PTPRD: variants seen among roughly 807,000 people sequenced by gnomAD.
PTPRD encodes the protein protein tyrosine phosphatase receptor type D, also known as receptor-type tyrosine-protein phosphatase delta.
PTPRD carries 34 observed loss-of-function variants against 214.5 expected under a neutral mutation model. The ratio of observed to expected loss-of-function variants is 0.16; its 90% CI spans 0.12 to 0.21. The LOEUF (loss-of-function observed/expected upper bound fraction) is 0.21, where lower values mean the gene tolerates loss of function less well. Among genes scored for constraint, PTPRD ranks in the 10% least tolerant of loss-of-function variants. The pLI is 1.00. For synonymous variants in PTPRD, 1,128 were observed against 845.7 expected, an observed-to-expected ratio of 1.33 and a Z score of -5.79; for missense variants, 2,545 against 2,398.7, an observed-to-expected ratio of 1.06 and a Z score of -1.27.
intron 5 of PTPRD, among the ~76,000 whole-genome samples, chr9:9,854,260 G>C (rs532663062): frequency 6.6e-6 from 1 of 152,086 alleles, no homozygotes; most frequent in African/African-American, 2.4e-5. Flanking sequence ...ATACCTATAT[G>C]GCACAAGTTA....
At chr9:8,947,992 C>T (rs879298437) in intron 11 of PTPRD, among the ~76,000 whole-genome samples, 19 of 150,464 alleles carry the variant, frequency 1.3e-4, no homozygotes, top group Non-Finnish European at 2.1e-4. Flanking sequence ...ATGTCCAGAC[C>T]TTATACCCAG....
chr9:8,905,755 A>AG (rs1555503974), intron 11 of PTPRD, among the ~76,000 whole-genome samples: 12 of 150,922 alleles, frequency 8.0e-5, no homozygotes, highest in Non-Finnish European at 1.6e-4. Flanking sequence ...AAAAAAAAAA[A>AG]TGGAGAGAGA....
At chr9:9,404,908 C>T (rs1202679174) in intron 8 of PTPRD, among the ~76,000 whole-genome samples, 1 of 152,002 alleles carries the variant, frequency 6.6e-6, no homozygotes, top group Admixed American at 6.6e-5. Context: ...TTTCCAAGTC[C>T]CTACTTTATG....
At chr9:10,416,541 A>T (rs1339698152) in intron 2 of PTPRD, among the ~76,000 whole-genome samples, 2 of 151,934 alleles carry the variant, frequency 1.3e-5, no homozygotes, top group East Asian at 3.9e-4. Context: ...ATGTGTTACT[A>T]AAAAAGCGAT....
At chr9:10,024,325 G>A (rs1005490513) in intron 4 of PTPRD, among the ~76,000 whole-genome samples, 1 of 152,094 alleles carries the variant, frequency 6.6e-6, no homozygotes, top group African/African-American at 2.4e-5. Context: ...ATTTTCTCCT[G>A]AAAGGAATTT....
intron 5 of PTPRD, among the ~76,000 whole-genome samples, chr9:9,880,793 C>G (rs921766730): frequency 6.6e-6 from 1 of 152,126 alleles, no homozygotes; most frequent in Non-Finnish European, 1.5e-5. Flanking sequence ...TTCTATTGAT[C>G]TGTTAGCCTC....
At chr9:9,101,466 G>A (rs1260806965) in intron 10 of PTPRD, among the ~76,000 whole-genome samples, 3 of 152,174 alleles carry the variant, frequency 2.0e-5, no homozygotes, top group Non-Finnish European at 4.4e-5. Flanking sequence ...GGGATGGAAG[G>A]TGATTCTGAA....
At chr9:9,748,573 C>T (rs1564954298) in intron 6 of PTPRD, among the ~76,000 whole-genome samples, 1 of 152,208 alleles carries the variant, frequency 6.6e-6, no homozygotes, top group East Asian at 1.9e-4. Flanking sequence ...GTGTTTACCT[C>T]AATGAGGAGG....
At chr9:9,754,376 C>T (rs1334859761) in intron 6 of PTPRD, among the ~76,000 whole-genome samples, 1 of 152,036 alleles carries the variant, frequency 6.6e-6, no homozygotes, top group Non-Finnish European at 1.5e-5. Context: ...GAGAAAACTA[C>T]TGTTCAAGGA....
intron 12 of PTPRD, among the ~76,000 whole-genome samples, chr9:8,674,718 CT>C (rs1387276991): frequency 2.9e-4 from 44 of 152,262 alleles, no homozygotes; most frequent in African/African-American, 9.1e-4. Flanking sequence ...TTTGGCTCCC[CT>C]GGGCTAGATT....
At chr9:10,562,097 T>A (rs2131559959) in intron 2 of PTPRD, among the ~76,000 whole-genome samples, 1 of 152,250 alleles carries the variant, frequency 6.6e-6, no homozygotes, top group South Asian at 2.1e-4. Context: ...TTATCTCTTT[T>A]GTATTTACTG....
At chr9:8,371,417 C>A (rs1202695827) in intron 39 of PTPRD, among the ~76,000 whole-genome samples, 1 of 152,004 alleles carries the variant, frequency 6.6e-6, no homozygotes, top group Admixed American at 6.6e-5. Context: ...CTCATGCCTT[C>A]TGAGATCTCA....
chr9:8,567,348 C>T (rs947418315), intron 14 of PTPRD, among the ~76,000 whole-genome samples: 4 of 152,162 alleles, frequency 2.6e-5, no homozygotes, highest in African/African-American at 9.7e-5. Flanking sequence ...TCAGGAGTCA[C>T]TTTCTCCAAA....
chr9:9,808,159 GT>G (rs2046014659), intron 5 of PTPRD, among the ~76,000 whole-genome samples: 1 of 152,168 alleles, frequency 6.6e-6, no homozygotes, highest in Non-Finnish European at 1.5e-5. Context: ...GTGTGTAACT[GT>G]TGCATACTTC....
At chr9:9,478,644 T>C (rs1375710767) in intron 8 of PTPRD, among the ~76,000 whole-genome samples, 3 of 152,188 alleles carry the variant, frequency 2.0e-5, no homozygotes, top group Non-Finnish European at 4.4e-5. Flanking sequence ...GAGTTAGCCT[T>C]TTGTAAGTGT....
chr9:9,420,261 C>T (rs1336077544), intron 8 of PTPRD, among the ~76,000 whole-genome samples: 1 of 151,730 alleles, frequency 6.6e-6, no homozygotes, highest in African/African-American at 2.4e-5. Flanking sequence ...GAAGTGTAAA[C>T]TATTTTAGTT....
intron 3 of PTPRD, among the ~76,000 whole-genome samples, chr9:10,257,228 A>G (rs1398094612): frequency 1.3e-5 from 2 of 152,224 alleles, no homozygotes; most frequent in African/African-American, 2.4e-5. Context: ...CCTGTGATAC[A>G]AGGAGAAAAG....
At position 8,341,851 on chromosome 9, in the gene PTPRD, G is replaced by C. The variant is rs866497340; in HGVS notation, c.4789C>G (p.Gln1597Glu). The C allele has an allele frequency of 6.2e-7, 1 of 1,613,438 alleles. No individual in the cohort carries two copies. Reference sequence around the variant, plus strand: ...ATAAAGATGTATTGGTCTTCTGTTTGAACCATATAGTTCCTCTGGGCTCTC... The same window carrying C: ...ATAAAGATGTATTGGTCTTCTGTTTCAACCATATAGTTCCTCTGGGCTCTC... ...LMRAQRNYMV[Q>E]TEDQYIFIHD... The change falls in exon 40 of 46, where the codon CAA becomes GAA. Residue 1597 changes from glutamine to glutamate, a missense_variant. By Grantham distance (29) the Gln-to-Glu change is conservative. Transcript: ENST00000381196.
chr9:8,676,469 G>A (rs1401745248), intron 12 of PTPRD, among the ~76,000 whole-genome samples: 4 of 139,684 alleles, frequency 2.9e-5, no homozygotes, highest in East Asian at 2.2e-4. Flanking sequence ...TACAACCTCC[G>A]CCGCCCAGGT....
Sources: allele counts gnomAD v4.1 joint callset (sites outside exome capture counted in the v4.1 genomes callset), GRCh38; gene constraint gnomAD v4.1.1; transcripts MANE v1.5; gene names NCBI Gene and HGNC (gene_info 2026-07-23, HGNC 2026-07-21).